Variants in ABL1 observed in about 807,000 individuals in gnomAD.
ABL1 encodes the protein ABL proto-oncogene 1, non-receptor tyrosine kinase.
ABL1 carries 11 observed loss-of-function variants against 94.7 expected under a neutral mutation model. The observed-to-expected ratio is 0.12, with a 90% CI of 0.07 to 0.19. ABL1 has a LOEUF of 0.19. Ranked by LOEUF, ABL1 falls within the 10% of genes least tolerant of loss-of-function variation. The pLI, the probability that ABL1 is intolerant of heterozygous loss-of-function variation, is 1.00. For missense variants in ABL1, 1,082 were observed against 1,489.4 expected, an observed-to-expected ratio of 0.73 and a Z score of 4.50; for synonymous variants, 656 against 622.4, an observed-to-expected ratio of 1.05 and a Z score of -0.80.
intron 4 of ABL1, among the ~76,000 whole-genome samples, chr9:130,869,684 C>T (rs987659569): frequency 4.6e-5 from 7 of 152,248 alleles, no homozygotes; most frequent in East Asian, 1.9e-4. Context: ...TCTGAGTTAG[C>T]TTTATTTTAC....
chr9:130,869,989 T>G (rs1054547536), intron 4 of ABL1, among the ~76,000 whole-genome samples: 1 of 152,212 alleles, frequency 6.6e-6, no homozygotes, highest in Admixed American at 6.5e-5. Flanking sequence ...CACGCCTGGC[T>G]AATTTTTGTA....
intron 7 of ABL1, among the ~76,000 whole-genome samples, chr9:130,877,846 A>G (rs13289659): frequency 1.7e-5 from 2 of 119,526 alleles, no homozygotes; most frequent in African/African-American, 3.8e-5. Flanking sequence ...TCGCTCTGTC[A>G]CCCAGCCTGG....
chr9:130,750,188 A>G lies in ABL1; in HGVS notation c.136+35733A>G, dbSNP rs1227682663. ...AGAGACCCTGACTCAAGAAAAAAAA[A>G]ATACATATATATATATATATATATA... On this transcript the variant is annotated intron_variant, in intron 1 of 10. Coordinates refer to the ABL1 transcript ENST00000372348. 9.8e-5 allele frequency among the ~76,000 whole-genome samples: 8 copies of G among 81,850 alleles called. No homozygotes were observed. The East Asian group carries it at 4.0e-3, about 41-fold the overall frequency. The allele number at this position is 81,850 out of a possible 152,430, so 53.7% of individuals were successfully genotyped here. A position where few individuals can be genotyped will look rare whatever the true frequency, so the allele number is the denominator to read the frequency against.
At chr9:130,764,474 A>G (rs1832155954) in intron 1 of ABL1, among the ~76,000 whole-genome samples, 1 of 152,152 alleles carries the variant, frequency 6.6e-6, no homozygotes, top group African/African-American at 2.4e-5. Flanking sequence ...TCTTGTAACA[A>G]TGTGTTTAGC....
chr9:130,730,930 CT>C (rs1831656503), intron 1 of ABL1, among the ~76,000 whole-genome samples: 1 of 149,728 alleles, frequency 6.7e-6, no homozygotes, highest in Non-Finnish European at 1.5e-5. Context: ...TTTTCTTACA[CT>C]TTGTGGTTCA....
intron 10 of ABL1, among the ~76,000 whole-genome samples, chr9:130,883,039 G>GATA (rs1831490886): frequency 6.6e-6 from 1 of 152,148 alleles, no homozygotes; most frequent in Non-Finnish European, 1.5e-5. Context: ...TCTGGGCTCA[G>GATA]ACAGGCCTGG....
chr9:130,882,970 C>A (rs1331930501), intron 10 of ABL1, among the ~76,000 whole-genome samples: 1 of 151,564 alleles, frequency 6.6e-6, no homozygotes, highest in African/African-American at 2.4e-5. Flanking sequence ...AGGTCAGGCT[C>A]CCGTGGCACA....
intron 1 of ABL1, among the ~76,000 whole-genome samples, chr9:130,785,412 C>T (rs11244139): frequency 0.17 from 25,273 of 152,116 alleles, 3,381 homozygotes; most frequent in African/African-American, 0.38. Flanking sequence ...TGTTTGCCAC[C>T]GGCATGCTGT....
In ABL1 at chr9:130,880,057, C is replaced by T; in HGVS notation, c.1424-11C>T. The T allele has an allele frequency of 1.2e-6, 2 of 1,613,986 alleles. No individual in the cohort carries two copies. The highest frequency in any genetic ancestry group is 1.3e-5 in the African/African-American group (1 of 75,060). ...CTCATGGATGATCTGACTTGGGTTTCATCTGTCCAGGTTGGCAGTGGAATC... is the reference window on the plus strand; with the variant it reads ...CTCATGGATGATCTGACTTGGGTTTTATCTGTCCAGGTTGGCAGTGGAATC... On this transcript the variant is annotated splice_polypyrimidine_tract_variant and intron_variant, in intron 8 of 10. Coordinates refer to ENST00000318560, the MANE Select transcript of ABL1 (RefSeq NM_005157.6). The surrounding 1 kb of genome is among the most constrained non-coding windows in gnomAD (Gnocchi z 4.4).
intron 1 of ABL1, among the ~76,000 whole-genome samples, chr9:130,744,856 CAA>C (rs796361842): frequency 1.4e-4 from 8 of 58,356 alleles, no homozygotes; most frequent in Admixed American, 2.1e-4. Flanking sequence ...GACTCCGTCT[CAA>C]AAAAAAAAAA....
intron 1 of ABL1, among the ~76,000 whole-genome samples, chr9:130,808,673 G>A (rs112837202): frequency 2.0e-5 from 3 of 152,290 alleles, no homozygotes; most frequent in African/African-American, 7.2e-5. Context: ...GAACACTTCT[G>A]TGGTGAGACT....
At chr9:130,732,112 A>G (rs1588214307) in intron 1 of ABL1, among the ~76,000 whole-genome samples, 1 of 150,252 alleles carries the variant, frequency 6.7e-6, no homozygotes, top group South Asian at 2.1e-4. Flanking sequence ...ATCGAACAGT[A>G]TTTTTTTTTA....
intron 1 of ABL1, among the ~76,000 whole-genome samples, chr9:130,793,201 T>G (rs1004310053): frequency 1.3e-5 from 2 of 152,186 alleles, no homozygotes; most frequent in African/African-American, 4.8e-5. Flanking sequence ...GCTGGGATTA[T>G]AGGCATGAGC....
chr9:130,879,142 G>A (rs1831407392), intron 8 of ABL1, among the ~76,000 whole-genome samples: 1 of 152,208 alleles, frequency 6.6e-6, no homozygotes. Flanking sequence ...CTCCCAAAGT[G>A]CTGCGATTAC....
intron 1 of ABL1, among the ~76,000 whole-genome samples, chr9:130,828,257 G>T (rs1003737364): frequency 3.9e-5 from 6 of 152,104 alleles, no homozygotes; most frequent in African/African-American, 1.4e-4. Flanking sequence ...GAGAGATGGG[G>T]TCTCACTATG....
In ABL1 at chr9:130,776,457, G is replaced by A. The variant is rs566349115; in HGVS notation, c.136+62002G>A. Among the ~76,000 whole-genome samples the A allele has an allele frequency of 9.9e-5, 15 of 152,266 alleles. No individual in the cohort carries two copies. In the South Asian group the frequency reaches 1.9e-3, roughly 19 times the overall value. ...CTAAAGATACAAAAATTATCTGGGC[G>A]TGGTGGCTACTTGGGAGGCTGAGGC... On this transcript the variant is annotated intron_variant, in intron 1 of 10. Coordinates refer to the ABL1 transcript ENST00000372348.
At chr9:130,837,072 G>T (rs76825469) in intron 1 of ABL1, among the ~76,000 whole-genome samples, 3,943 of 152,234 alleles carry the variant, frequency 0.026, 176 homozygotes, top group African/African-American at 0.089. Context: ...GCCACAGTTT[G>T]TGTACCTCAC....
At chr9:130,819,602 G>A (rs1830333457) in intron 1 of ABL1, among the ~76,000 whole-genome samples, 1 of 134,184 alleles carries the variant, frequency 7.5e-6, no homozygotes, top group South Asian at 2.5e-4. Flanking sequence ...GCAGTGGCAC[G>A]ATCTGAGCTC....
At position 130,880,501 on chromosome 9, in the gene ABL1, A is replaced by G; in HGVS notation, c.1515A>G (p.Glu505=). Residue 505 remains glutamate, a splice_region_variant and synonymous_variant, in exon 10 of 11, where the codon GAA becomes GAG. Coordinates refer to ENST00000318560, the MANE Select transcript of ABL1 (RefSeq NM_005157.6). This position sits in a 1 kb window ranked among gnomAD's most constrained non-coding sequence, Gnocchi z 4.4. ...TMFQESSISD[E]VEKELGKQGV... is the part of the protein sequence containing the mutation. ...TTTCTGTCCCTGTATGATTCTTAGA[A>G]GTGGAAAAGGAGCTGGGGAAACAAG... The G allele has an allele frequency of 1.2e-6, 2 of 1,613,838 alleles. No individual in the cohort carries two copies. Among genetic ancestry groups the G allele is most frequent in the Non-Finnish European group, 8.5e-7 (1 of 1,179,870 alleles).
Sources: gnomAD v4.1 joint callset for allele counts (sites outside exome capture counted in the v4.1 genomes callset) on GRCh38, gnomAD v4.1.1 for gene constraint, Gnocchi (gnomAD v3.1) non-coding constraint, MANE v1.5 for transcripts, NCBI Gene and HGNC (gene_info 2026-07-23, HGNC 2026-07-21) for gene names.